KIFC3: variants seen among roughly 807,000 people sequenced by gnomAD.
KIFC3 encodes kinesin-like protein KIFC3.
Under a neutral mutation model 101.8 loss-of-function variants are expected in KIFC3, and 60 were observed. The observed-to-expected ratio is 0.59, with a 90% CI of 0.48 to 0.73. KIFC3 has a LOEUF of 0.73. KIFC3 is among the 30% of genes least tolerant of loss of function. The probability of loss-of-function intolerance (pLI) is 0.00; values close to 1 mark genes in which losing one functional copy is unlikely to be tolerated. For synonymous variants in KIFC3, 476 were observed against 482.7 expected (o/e 0.99, Z 0.18); for missense variants, 966 against 1,137.1 (o/e 0.85, Z 2.16).
At chr16:57,808,895 G>C (rs2055005081) in intron 1 of KIFC3, among the ~76,000 whole-genome samples, 2 of 152,194 alleles carry the variant, frequency 1.3e-5, no homozygotes, top group African/African-American at 2.4e-5. Flanking sequence ...AGCACCCTCA[G>C]CCCAGCATCT....
intron 3 of KIFC3, among the ~76,000 whole-genome samples, chr16:57,790,236 T>G (rs935265684): frequency 1.3e-5 from 2 of 151,550 alleles, no homozygotes; most frequent in Non-Finnish European, 2.9e-5. Flanking sequence ...CACACCACCA[T>G]GACTGGCTGA....
chr16:57,851,779 G>A (rs1219647444), intron 1 of KIFC3, among the ~76,000 whole-genome samples: 3 of 151,496 alleles, frequency 2.0e-5, no homozygotes, highest in African/African-American at 4.9e-5. Context: ...TCGCACTGTC[G>A]CCTGGGCTGG....
Position 57,758,484 on chromosome 16 carries a change from C to T in KIFC3, c.*450G>A. On this transcript the variant is annotated 3_prime_UTR_variant, in exon 20 of 20. Transcript: ENST00000445690. Reference sequence around the variant, plus strand: ...CGGGGAGGGCTGCCATTGGTGCCACCAACCCACCCCAGTCCCCATGGTTCT... The same window carrying T: ...CGGGGAGGGCTGCCATTGGTGCCACTAACCCACCCCAGTCCCCATGGTTCT... 2.4e-6 allele frequency: 1 copy of T among 419,642 alleles called. No individual in the cohort carries two copies. The allele number at this position is 419,642 out of a possible 1,614,324, so 26.0% of individuals were successfully genotyped here.
upstream of KIFC3, among the ~76,000 whole-genome samples, chr16:57,805,263 C>G (rs1214693951): frequency 6.6e-6 from 1 of 152,182 alleles, no homozygotes; most frequent in African/African-American, 2.4e-5. Flanking sequence ...TTTGCATGAG[C>G]CACCATACCA....
At chr16:57,860,409 A>T (rs1193233992) in intron 1 of KIFC3, among the ~76,000 whole-genome samples, 1 of 151,906 alleles carries the variant, frequency 6.6e-6, no homozygotes, top group African/African-American at 2.4e-5. Context: ...GCCAAAGATC[A>T]TGCATTGCAC....
At chr16:57,836,957 G>T (rs2055700272) in intron 1 of KIFC3, among the ~76,000 whole-genome samples, 1 of 152,208 alleles carries the variant, frequency 6.6e-6, no homozygotes, top group Admixed American at 6.5e-5. Flanking sequence ...GTCTCCCAAA[G>T]TGTTGAGATT....
intron 3 of KIFC3, among the ~76,000 whole-genome samples, chr16:57,780,815 C>G (rs2052644439): frequency 6.6e-6 from 1 of 151,242 alleles, no homozygotes; most frequent in Non-Finnish European, 1.5e-5. Flanking sequence ...GCTGGACTTA[C>G]AGGTGTGCAC....
At chr16:57,794,891 T>TCCCCGGCTCTC (rs2054165818) in intron 3 of KIFC3, 108 bp downstream of exon 3, 1 of 1,042,390 alleles carries the variant, frequency 9.6e-7, no homozygotes, top group African/African-American at 1.7e-5. Context: ...GCGAGGTGGG[T>TCCCCGGCTCTC]CCCCGGCTCT....
chr16:57,790,078 CTTT>C (rs782291808), intron 3 of KIFC3, among the ~76,000 whole-genome samples: 2 of 94,088 alleles, frequency 2.1e-5, no homozygotes, highest in Non-Finnish European at 3.9e-5. Flanking sequence ...TTCTTTCTTT[CTTT>C]TTTTTTTTTT....
rs1215181041 is a variant in KIFC3, at chr16:57,847,189, A to AGGAG, written c.108+15536_108+15539dup. Among the ~76,000 whole-genome samples, 5 of 127,150 alleles carry AGGAG rather than the reference A, an allele frequency of 3.9e-5. 1 individual carries two copies. The highest frequency in any genetic ancestry group is 1.6e-4 in the African/African-American group (5 of 31,838). 83.4% of individuals were successfully genotyped at this position (127,150 alleles called of 152,430 possible). A position where few individuals can be genotyped will look rare whatever the true frequency, so the allele number is the denominator to read the frequency against. ...GACAGAGCAATGAATCTGTGAAGGA[A>AGGAG]GGAGGGAAGGAAGGAAGGAAGGAAG... On this transcript the variant is annotated intron_variant, in intron 1 of 2. Coordinates refer to the KIFC3 transcript ENST00000563028.
Position 57,760,800 on chromosome 16 carries a change from A to T in KIFC3, c.2158T>A (p.Phe720Ile). 1 of 1,613,814 alleles carries T rather than the reference A, an allele frequency of 6.2e-7. No individual in the cohort carries two copies. Among genetic ancestry groups the T allele is most frequent in the Non-Finnish European group, 8.5e-7 (1 of 1,180,010 alleles). ...ALRSRQGHVPFRNSKLTYLLQ... is the reference protein window; with the variant it reads ...ALRSRQGHVPIRNSKLTYLLQ... ...AGGTAGGTGAGCTTGGAGTTGCGGAAGGGCACGTGGCCCTGGCGGGAGCGC... is the reference window on the plus strand; with the variant it reads ...AGGTAGGTGAGCTTGGAGTTGCGGATGGGCACGTGGCCCTGGCGGGAGCGC... Residue 720 changes from phenylalanine (F) to isoleucine (I), a missense_variant, in exon 16 of 20, where the codon TTC becomes ATC. Physicochemically the swap from Phe to Ile is conservative, Grantham distance 21 (BLOSUM62 0). Transcript: ENST00000445690.
chr16:57,809,622 G>A (rs987742462), intron 1 of KIFC3, among the ~76,000 whole-genome samples: 16 of 152,266 alleles, frequency 1.1e-4, no homozygotes, highest in Admixed American at 1.0e-3. Context: ...TCATTCCCTG[G>A]TGTGGGGAGG....
Position 57,765,643 on chromosome 16 carries a change from GGATT to G in KIFC3, c.1331-7_1331-4del. 6.2e-7 allele frequency: 1 copy of G among 1,607,380 alleles called. No individual in the cohort carries two copies. On this transcript the variant is annotated splice_region_variant and splice_polypyrimidine_tract_variant and intron_variant, in intron 10 of 19. Coordinates refer to ENST00000445690, the MANE Select transcript of KIFC3 (RefSeq NM_001130100.2). ...ACGAGCAATCACTCGGATGTTCCCT[GGATT>G]GGTTGGGGATGGGGAAATGGGTCCA...
intron 9 of KIFC3, among the ~76,000 whole-genome samples, chr16:57,767,247 C>T (rs1408739229): frequency 6.6e-6 from 1 of 152,216 alleles, no homozygotes; most frequent in Non-Finnish European, 1.5e-5. Context: ...GGACTCAGCC[C>T]TCCACACCAC....
Position 57,769,502 on chromosome 16 carries a change from G to T in KIFC3, c.1218+93C>A. The T allele has an allele frequency of 6.7e-7, 1 of 1,494,186 alleles. No individual in the cohort carries two copies. The highest frequency in any genetic ancestry group is 9.0e-7 in the Non-Finnish European group (1 of 1,112,638). 92.6% of individuals were successfully genotyped at this position (1,494,186 alleles called of 1,614,324 possible). A position where few individuals can be genotyped will look rare whatever the true frequency, so the allele number is the denominator to read the frequency against. On this transcript the variant is annotated intron_variant, in intron 9 of 19. Transcript: ENST00000445690. The surrounding 1 kb of genome is among the most constrained non-coding windows in gnomAD (Gnocchi z 4.3). ...CAGGGGCTGCTGTCTGAGCGGCTTT[G>T]TCTGAGCTTTGGAGGGACGCCCTGA...
intron 3 of KIFC3, among the ~76,000 whole-genome samples, chr16:57,792,889 A>AAAAG (rs2053993000): frequency 6.6e-6 from 1 of 151,522 alleles, no homozygotes. Flanking sequence ...AAAAAAAAAA[A>AAAAG]AAAGGGTAGT....
chr16:57,766,399 T>A (rs1567952889), intron 10 of KIFC3, among the ~76,000 whole-genome samples: 1 of 152,302 alleles, frequency 6.6e-6, no homozygotes, highest in East Asian at 1.9e-4. Flanking sequence ...CTGACAATCA[T>A]CATTGTTGAT....
chr16:57,860,078 AAAATAAAATAAAAT>A (rs2056269343), intron 1 of KIFC3, among the ~76,000 whole-genome samples: 4 of 146,126 alleles, frequency 2.7e-5, no homozygotes, highest in East Asian at 2.2e-4. Flanking sequence ...AAAATAAAAT[AAAATAAAATAAAAT>A]AAAAACAAGT....
intron 1 of KIFC3, chr16:57,814,036 A>G (rs1012031022): frequency 2.2e-5 from 4 of 183,168 alleles, no homozygotes; most frequent in African/African-American, 9.5e-5. Context: ...ACTGCACCAC[A>G]CTGCCTCTCA....
Sources: allele counts gnomAD v4.1 joint callset (sites outside exome capture counted in the v4.1 genomes callset), GRCh38; gene constraint gnomAD v4.1.1; non-coding constraint Gnocchi (gnomAD v3.1); transcripts MANE v1.5; gene names NCBI Gene and HGNC (gene_info 2026-07-23, HGNC 2026-07-21).